Variants in DCC observed in about 807,000 individuals in gnomAD.
The protein encoded by DCC is DCC netrin 1 receptor.
In DCC, 58 loss-of-function variants were observed where a neutral mutation model predicts 172.5. The ratio of observed to expected loss-of-function variants is 0.34; its 90% CI spans 0.27 to 0.42. The LOEUF (loss-of-function observed/expected upper bound fraction) is 0.42, where lower values mean the gene tolerates loss of function less well. Among genes scored for constraint, DCC ranks in the 10% least tolerant of loss-of-function variants. DCC has a pLI of 1.00. For synonymous variants in DCC, 709 were observed against 644.5 expected (o/e 1.10, Z -1.52); for missense variants, 1,740 against 1,791.0 (o/e 0.97, Z 0.51).
At chr18:52,544,919 G>C in intron 1 of DCC, among the ~76,000 whole-genome samples, 1 of 152,186 alleles carries the variant, frequency 6.6e-6, no homozygotes, top group East Asian at 1.9e-4. Flanking sequence ...TTAGATTATT[G>C]AGAGAAATAC....
chr18:53,039,321 C>A (rs978436425), intron 5 of DCC, among the ~76,000 whole-genome samples: 1 of 151,988 alleles, frequency 6.6e-6, no homozygotes, highest in South Asian at 2.1e-4. Flanking sequence ...ATTTTCCATG[C>A]AAATGAAAAC....
At chr18:52,676,195 G>A (rs2035643951) in intron 1 of DCC, among the ~76,000 whole-genome samples, 2 of 152,186 alleles carry the variant, frequency 1.3e-5, no homozygotes, top group South Asian at 2.1e-4. Context: ...AGTTCTCTCA[G>A]CTAAGAACTT....
intron 12 of DCC, among the ~76,000 whole-genome samples, chr18:53,257,734 T>G (rs1270166308): frequency 1.3e-5 from 2 of 152,202 alleles, no homozygotes; most frequent in African/African-American, 4.8e-5. Context: ...ATAAAATGAG[T>G]TAGGGAGGAT....
At chr18:53,152,207 A>C (rs868655155) in intron 7 of DCC, among the ~76,000 whole-genome samples, 45 of 152,164 alleles carry the variant, frequency 3.0e-4, no homozygotes, top group African/African-American at 1.1e-3. Context: ...TGAAACAAGG[A>C]AATAGGTCTA....
At chr18:52,344,520 A>G (rs1166442678) in intron 1 of DCC, among the ~76,000 whole-genome samples, 5 of 152,194 alleles carry the variant, frequency 3.3e-5, no homozygotes, top group Non-Finnish European at 7.4e-5. Flanking sequence ...AAATGCATAT[A>G]ATATGCTCCT....
At chr18:52,654,106 G>A (rs908923248) in intron 1 of DCC, among the ~76,000 whole-genome samples, 2 of 152,140 alleles carry the variant, frequency 1.3e-5, no homozygotes, top group African/African-American at 4.8e-5. Flanking sequence ...GTACCAGGTT[G>A]CACCATTAAG....
At chr18:53,007,482 G>A (rs1416409652) in intron 5 of DCC, among the ~76,000 whole-genome samples, 1 of 152,064 alleles carries the variant, frequency 6.6e-6, no homozygotes, top group Non-Finnish European at 1.5e-5. Context: ...TAGCAACTGT[G>A]TTTATTAAGG....
At chr18:52,448,285 T>C (rs1156755946) in intron 1 of DCC, among the ~76,000 whole-genome samples, 1 of 152,168 alleles carries the variant, frequency 6.6e-6, no homozygotes, top group Non-Finnish European at 1.5e-5. Flanking sequence ...AACCATCCCC[T>C]GGCCCCTCTG....
chr18:53,488,339 C>A (rs958547161), intron 26 of DCC, among the ~76,000 whole-genome samples: 14 of 151,964 alleles, frequency 9.2e-5, no homozygotes. Context: ...TGTGACACTG[C>A]AATCCAGCCT....
At position 53,468,013 on chromosome 18, in the gene DCC, G is replaced by A. The variant is rs757684530; in HGVS notation, c.3736+3G>A. The A allele has an allele frequency of 2.8e-6, 4 of 1,407,392 alleles. No individual in the cohort carries two copies. The highest frequency in any genetic ancestry group is 4.6e-5 in the East Asian group (2 of 43,922). 87.2% of individuals were successfully genotyped at this position (1,407,392 alleles called of 1,614,324 possible). On this transcript the variant is annotated splice_donor_region_variant and intron_variant, in intron 25 of 28. Transcript: ENST00000442544. ...GGATGCCCAGTCCAACAATCCTGGTGAGTCAATATTGGTGCCACAATGAAG... is the reference window on the plus strand; with the variant it reads ...GGATGCCCAGTCCAACAATCCTGGTAAGTCAATATTGGTGCCACAATGAAG...
chr18:52,341,833 A>C (rs1469440367), intron 1 of DCC, among the ~76,000 whole-genome samples: 1 of 151,986 alleles, frequency 6.6e-6, no homozygotes, highest in African/African-American at 2.4e-5. Context: ...ACTGGGGTAC[A>C]GTGAGCGGTC....
chr18:53,337,042 A>G (rs908299747), intron 14 of DCC, among the ~76,000 whole-genome samples: 1 of 152,240 alleles, frequency 6.6e-6, no homozygotes, highest in African/African-American at 2.4e-5. Flanking sequence ...GTTCTTCAAG[A>G]GCCAGTTGGT....
chr18:52,862,748 C>T (rs974742090), intron 2 of DCC, among the ~76,000 whole-genome samples: 3 of 152,086 alleles, frequency 2.0e-5, no homozygotes, highest in Admixed American at 6.6e-5. Context: ...AAATCAAAAA[C>T]ACTTACTCTT....
intron 3 of DCC, among the ~76,000 whole-genome samples, chr18:52,910,081 G>T (rs1383204033): frequency 2.0e-5 from 3 of 152,164 alleles, no homozygotes; most frequent in East Asian, 3.9e-4. Flanking sequence ...TGGTAAGGAG[G>T]ATGAGGTGGA....
intron 5 of DCC, chr18:52,931,799 A>G (rs1486019306): frequency 6.6e-6 from 1 of 152,092 alleles, no homozygotes; most frequent in East Asian, 1.9e-4. Flanking sequence ...AATCATCGAT[A>G]AAGTATTGGT....
intron 5 of DCC, among the ~76,000 whole-genome samples, chr18:52,935,654 C>A (rs2040370771): frequency 6.6e-6 from 1 of 151,912 alleles, no homozygotes; most frequent in South Asian, 2.1e-4. Context: ...TTTTACCTAT[C>A]CATTTGCTTG....
intron 1 of DCC, among the ~76,000 whole-genome samples, chr18:52,627,891 A>T (rs1277559785): frequency 6.6e-6 from 1 of 152,048 alleles, no homozygotes; most frequent in Non-Finnish European, 1.5e-5. Context: ...AGTGTCTGCA[A>T]TGTCACTTCC....
At chr18:52,359,358 T>G (rs1038155234) in intron 1 of DCC, among the ~76,000 whole-genome samples, 1 of 152,208 alleles carries the variant, frequency 6.6e-6, no homozygotes, top group South Asian at 2.1e-4. Context: ...GCCCACCCAT[T>G]TTTATATTTA....
At chr18:52,677,083 C>T (rs1243096737) in intron 1 of DCC, among the ~76,000 whole-genome samples, 14 of 152,098 alleles carry the variant, frequency 9.2e-5, no homozygotes, top group Non-Finnish European at 1.5e-5. Context: ...ACAGCAAATA[C>T]ATTCAGCCAA....
Sources: gnomAD v4.1 joint callset for allele counts (sites outside exome capture counted in the v4.1 genomes callset) on GRCh38, gnomAD v4.1.1 for gene constraint, MANE v1.5 for transcripts, NCBI Gene and HGNC (gene_info 2026-07-23, HGNC 2026-07-21) for gene names.